SYNE2: variants seen among roughly 807,000 people sequenced by gnomAD.
SYNE2 encodes nesprin-2.
In SYNE2, 431 loss-of-function variants were observed where a neutral mutation model predicts 856.3. The observed-to-expected ratio is 0.50, with a 90% CI of 0.47 to 0.55. The LOEUF (loss-of-function observed/expected upper bound fraction) is 0.55, where lower values mean the gene tolerates loss of function less well. Among genes scored for constraint, SYNE2 ranks in the 20% least tolerant of loss-of-function variants. The probability of loss-of-function intolerance (pLI) is 0.00; values close to 1 mark genes in which losing one functional copy is unlikely to be tolerated. For synonymous variants in SYNE2, 2,923 were observed against 2,872.3 expected (o/e 1.02, Z -0.56); for missense variants, 8,129 against 8,023.2 (o/e 1.01, Z -0.50).
chr14:63,995,460 T>C (rs2096705839), intron 23 of SYNE2, among the ~76,000 whole-genome samples: 2 of 152,190 alleles, frequency 1.3e-5, no homozygotes, highest in Admixed American at 1.3e-4. Flanking sequence ...CCTCAGACTC[T>C]GGTCACAAAT....
At chr14:64,201,416 G>A (rs924591248) in intron 99 of SYNE2, among the ~76,000 whole-genome samples, 3 of 152,250 alleles carry the variant, frequency 2.0e-5, no homozygotes, top group Non-Finnish European at 4.4e-5. Context: ...TGTGGGAGGT[G>A]CTGTGAGTGC....
intron 78 of SYNE2, among the ~76,000 whole-genome samples, chr14:64,134,912 G>A (rs1279482988): frequency 1.3e-5 from 2 of 152,116 alleles, no homozygotes; most frequent in African/African-American, 4.8e-5. Flanking sequence ...GCTTAAACCT[G>A]GGAGGTGGAG....
intron 1 of SYNE2, among the ~76,000 whole-genome samples, chr14:63,839,905 A>C (rs1889990686): frequency 6.6e-6 from 1 of 152,170 alleles, no homozygotes; most frequent in Non-Finnish European, 1.5e-5. Flanking sequence ...TTTTAATCCA[A>C]TGTCTTAGTA....
chr14:64,118,327 C>T lies in SYNE2; in HGVS notation c.12841-1100C>T, dbSNP rs542855997. On this transcript the variant is annotated intron_variant, in intron 66 of 115. Coordinates refer to ENST00000555002, the MANE Select transcript of SYNE2 (RefSeq NM_182914.3). ...ATCTGTTGAGCAGGAATACAATGAC[C>T]GAGACTTACTGGGAAACTTACTTCA... Among the ~76,000 whole-genome samples, 23 of 152,192 alleles carry T rather than the reference C, an allele frequency of 1.5e-4. 1 individual carries two copies. Among genetic ancestry groups the T allele is most frequent in the African/African-American group, 5.1e-4 (21 of 41,534 alleles).
chr14:64,216,241 G>A lies in SYNE2; in HGVS notation c.19403-7G>A, dbSNP rs376162746. ...AATAGACTGTCGCTTGCTGTCTTTC[G>A]TTTCAGGTAAATCCATTTCGGATGG... On this transcript the variant is annotated splice_polypyrimidine_tract_variant and splice_region_variant and intron_variant, in intron 107 of 115. Transcript: ENST00000555002. The A allele has an allele frequency of 1.2e-4, 197 of 1,613,996 alleles. No individual in the cohort carries two copies. Among genetic ancestry groups the A allele is most frequent in the Non-Finnish European group, 1.5e-4 (179 of 1,180,048 alleles).
At chr14:63,871,069 C>G (rs1896703959) in intron 1 of SYNE2, among the ~76,000 whole-genome samples, 1 of 151,950 alleles carries the variant, frequency 6.6e-6, no homozygotes, top group African/African-American at 2.4e-5. Context: ...TTAAATAAGA[C>G]CAAGTATCAA....
intron 2 of SYNE2, among the ~76,000 whole-genome samples, chr14:63,932,394 CAA>C (rs958020123): frequency 6.6e-6 from 1 of 151,724 alleles, no homozygotes; most frequent in African/African-American, 2.4e-5. Context: ...AAGAAAAAAA[CAA>C]AACAAAACAA....
chr14:63,919,221 A>G (rs1370875381), intron 2 of SYNE2, among the ~76,000 whole-genome samples: 1 of 152,206 alleles, frequency 6.6e-6, no homozygotes, highest in Non-Finnish European at 1.5e-5. Flanking sequence ...CTTATATTTA[A>G]GCCAGACTAG....
chr14:64,108,180 C>T (rs1191155238), intron 65 of SYNE2, among the ~76,000 whole-genome samples: 4 of 152,020 alleles, frequency 2.6e-5, no homozygotes, highest in Admixed American at 6.6e-5. Flanking sequence ...GGTGAAACCC[C>T]GTCTCTACTA....
intron 8 of SYNE2, chr14:63,960,642 T>G (rs2096299049): frequency 3.2e-6 from 2 of 620,368 alleles, no homozygotes; most frequent in African/African-American, 1.8e-5. Flanking sequence ...ATTGCTTGTT[T>G]AGGTCAAGAA....
intron 6 of SYNE2, among the ~76,000 whole-genome samples, chr14:63,946,854 CT>C (rs1047746600): frequency 1.2e-4 from 17 of 145,512 alleles, no homozygotes; most frequent in South Asian, 2.2e-4. Flanking sequence ...TTTTATATTC[CT>C]TTTTTTTTTA....
chr14:64,082,357 G>A (rs572414625), intron 57 of SYNE2, among the ~76,000 whole-genome samples: 151 of 151,194 alleles, frequency 1.0e-3, no homozygotes, highest in African/African-American at 3.5e-3. Flanking sequence ...ATGCTCCACC[G>A]GTAAGTATAA....
intron 1 of SYNE2, among the ~76,000 whole-genome samples, chr14:63,824,655 G>A (rs1317244609): frequency 1.4e-5 from 2 of 144,114 alleles, no homozygotes; most frequent in Non-Finnish European, 3.0e-5. Flanking sequence ...AAAAAAAAGC[G>A]TAATTAAAAG....
chr14:64,133,036 A>C (rs1412447124), intron 77 of SYNE2, among the ~76,000 whole-genome samples: 1 of 141,582 alleles, frequency 7.1e-6, no homozygotes, highest in African/African-American at 3.1e-5. Context: ...CCCCGTCTCT[A>C]CTAAAAATAC....
At chr14:64,152,893 A>T (rs2098255384) in intron 85 of SYNE2, among the ~76,000 whole-genome samples, 177 bp downstream of exon 85, 1 of 152,256 alleles carries the variant, frequency 6.6e-6, no homozygotes, top group Admixed American at 6.5e-5. Flanking sequence ...TGCACTCAAT[A>T]ATTAGAGGCA....
rs185676305 is a variant in SYNE2 at position 64,005,503 on chromosome 14, G to A, written c.4398-1540G>A. 1.1e-3 allele frequency among the ~76,000 whole-genome samples: 167 copies of A among 152,300 alleles called. No homozygotes were observed. In the Middle Eastern group the frequency reaches 0.024, roughly 22 times the overall value. ...CTTCCTCTGGGTTCAAGTGCTCTTG[G>A]CTTTCATTGTCCATTGTGTCAGTGG... On this transcript the variant is annotated intron_variant, in intron 30 of 115. Coordinates refer to ENST00000555002, the MANE Select transcript of SYNE2 (RefSeq NM_182914.3).
chr14:64,042,593 A>T (rs1356740141), intron 45 of SYNE2, among the ~76,000 whole-genome samples: 4 of 152,154 alleles, frequency 2.6e-5, no homozygotes, highest in Non-Finnish European at 5.9e-5. Context: ...CATGATAGTG[A>T]ATGAGTCTCA....
At chr14:64,116,069 G>A (rs1056279337) in intron 66 of SYNE2, among the ~76,000 whole-genome samples, 2 of 152,048 alleles carry the variant, frequency 1.3e-5, no homozygotes, top group African/African-American at 2.4e-5. Flanking sequence ...TACCTGGGAG[G>A]CTGAGGCACT....
intron 102 of SYNE2, 67 bp from the exon 103 acceptor site, chr14:64,209,875 G>A: frequency 6.2e-7 from 1 of 1,607,168 alleles, no homozygotes; most frequent in Non-Finnish European, 8.5e-7. Flanking sequence ...CGCTTGGGAT[G>A]TAGAAGGGAA....
Sources: gnomAD v4.1 joint callset for allele counts (sites outside exome capture counted in the v4.1 genomes callset) on GRCh38, gnomAD v4.1.1 for gene constraint, MANE v1.5 for transcripts, NCBI Gene and HGNC (gene_info 2026-07-23, HGNC 2026-07-21) for gene names.